The following CSMD1 variants were observed in gnomAD, a reference collection of about 807,000 sequenced individuals.
CSMD1 encodes the protein CUB and sushi domain-containing protein 1.
Under a neutral mutation model 417.5 loss-of-function variants are expected in CSMD1, and 213 were observed. The ratio of observed to expected loss-of-function variants is 0.51; its 90% CI spans 0.46 to 0.57. CSMD1 has a LOEUF of 0.57. Among genes scored for constraint, CSMD1 ranks in the 20% least tolerant of loss-of-function variants. CSMD1 has a pLI of 0.00. For synonymous variants in CSMD1, 2,862 were observed against 1,736.8 expected, an observed-to-expected ratio of 1.65 and a Z score of -16.11; for missense variants, 6,923 against 4,529.7, an observed-to-expected ratio of 1.53 and a Z score of -15.17.
intron 2 of CSMD1, among the ~76,000 whole-genome samples, chr8:4,460,548 AAATTAAG>A (rs1799751207): frequency 6.6e-6 from 1 of 152,164 alleles, no homozygotes; most frequent in Non-Finnish European, 1.5e-5. Context: ...ACCTTCTACA[AAATTAAG>A]AATCTTTTGC....
intron 2 of CSMD1, among the ~76,000 whole-genome samples, chr8:4,557,427 AG>A (rs1383609482): frequency 6.7e-6 from 1 of 149,234 alleles, no homozygotes; most frequent in Admixed American, 6.6e-5. Context: ...AAAATCTGCG[AG>A]GTTTTTTTTT....
intron 3 of CSMD1, among the ~76,000 whole-genome samples, chr8:4,345,980 T>G (rs979271493): frequency 3.3e-5 from 5 of 152,170 alleles, no homozygotes; most frequent in Non-Finnish European, 7.4e-5. Context: ...AGATATCATT[T>G]GGAATTTCAG....
chr8:4,110,526 G>C (rs1235831169), intron 3 of CSMD1, among the ~76,000 whole-genome samples: 1 of 152,006 alleles, frequency 6.6e-6, no homozygotes, highest in East Asian at 1.9e-4. Context: ...TGCAAGTTAA[G>C]GATTTTCATT....
chr8:3,984,712 T>C (rs1241604412), intron 5 of CSMD1, among the ~76,000 whole-genome samples: 1 of 32,068 alleles, frequency 3.1e-5, no homozygotes, highest in Non-Finnish European at 6.0e-5. Flanking sequence ...ATCATATATA[T>C]ATATATATAT....
intron 50 of CSMD1, among the ~76,000 whole-genome samples, chr8:3,046,523 C>G (rs184564758): frequency 6.6e-6 from 1 of 152,158 alleles, no homozygotes; most frequent in East Asian, 1.9e-4. Context: ...TCCTCGCCCC[C>G]ACGGATCATG....
intron 1 of CSMD1, among the ~76,000 whole-genome samples, chr8:4,709,435 T>C (rs1808152079): frequency 6.6e-6 from 1 of 152,106 alleles, no homozygotes; most frequent in Admixed American, 6.5e-5. Context: ...TGCCCTGGCC[T>C]CAACACAGGA....
At chr8:3,126,388 G>C (rs1817511580) in intron 41 of CSMD1, among the ~76,000 whole-genome samples, 1 of 152,192 alleles carries the variant, frequency 6.6e-6, no homozygotes, top group African/African-American at 2.4e-5. Flanking sequence ...ACTGCTTCTG[G>C]TGGTGGGAAT....
intron 23 of CSMD1, among the ~76,000 whole-genome samples, chr8:3,324,601 T>C (rs11776559): frequency 0.13 from 18,752 of 149,196 alleles, 1,526 homozygotes; most frequent in African/African-American, 0.23. Flanking sequence ...AGTGGGAGTT[T>C]CCTTCCCCCC....
intron 3 of CSMD1, among the ~76,000 whole-genome samples, chr8:4,277,455 C>A (rs1192686875): frequency 6.6e-6 from 1 of 152,150 alleles, no homozygotes; most frequent in Non-Finnish European, 1.5e-5. Flanking sequence ...AACCTCCTCA[C>A]CACATACTTA....
At chr8:4,905,917 CT>C (rs1805238190) in intron 1 of CSMD1, among the ~76,000 whole-genome samples, 3 of 151,774 alleles carry the variant, frequency 2.0e-5, no homozygotes, top group African/African-American at 7.3e-5. Flanking sequence ...CAGAGCCACT[CT>C]TTCCTTTCAC....
chr8:4,951,437 G>T (rs749043930), intron 1 of CSMD1, among the ~76,000 whole-genome samples: 1 of 145,302 alleles, frequency 6.9e-6, no homozygotes, highest in African/African-American at 2.5e-5. Context: ...GAAAAAGAAA[G>T]AAAGAGGGAA....
chr8:4,420,324 C>A (rs1040378073), intron 2 of CSMD1, among the ~76,000 whole-genome samples: 1 of 151,822 alleles, frequency 6.6e-6, no homozygotes, highest in Non-Finnish European at 1.5e-5. Context: ...ATGCCATTGT[C>A]TTAAATGCTC....
intron 2 of CSMD1, among the ~76,000 whole-genome samples, chr8:4,587,421 ATG>A (rs1799760201): frequency 9.1e-6 from 1 of 110,076 alleles, no homozygotes; most frequent in African/African-American, 4.1e-5. Flanking sequence ...GTATATGTAC[ATG>A]TATATGTGGA....
At chr8:3,549,252 C>T (rs1363374734) in intron 10 of CSMD1, among the ~76,000 whole-genome samples, 1 of 152,198 alleles carries the variant, frequency 6.6e-6, no homozygotes, top group Non-Finnish European at 1.5e-5. Flanking sequence ...TTGTGGAGAC[C>T]ACAAAGGCGA....
At chr8:3,701,597 C>T (rs1025726343) in intron 7 of CSMD1, among the ~76,000 whole-genome samples, 1 of 151,734 alleles carries the variant, frequency 6.6e-6, no homozygotes, top group African/African-American at 2.4e-5. Flanking sequence ...TTATTCCAAA[C>T]TTAAGACAAC....
chr8:3,468,997 CT>C, intron 11 of CSMD1, 173 bp from the exon 12 acceptor site: 1 of 465,356 alleles, frequency 2.1e-6, no homozygotes, highest in South Asian at 3.9e-5. Context: ...TCAAACATCA[CT>C]ATCACTGGTG....
chr8:4,142,160 T>C (rs865938706), intron 3 of CSMD1, among the ~76,000 whole-genome samples: 2 of 151,204 alleles, frequency 1.3e-5, no homozygotes, highest in Non-Finnish European at 2.9e-5. Context: ...AAAATGATAC[T>C]GGTGAATACC....
intron 1 of CSMD1, among the ~76,000 whole-genome samples, chr8:4,677,437 T>TC (rs1455850791): frequency 6.6e-6 from 1 of 152,088 alleles, no homozygotes; most frequent in Non-Finnish European, 1.5e-5. Context: ...TCGTTCTCTC[T>TC]CCAACCTTGT....
At chr8:4,937,824 T>C (rs1398791217) in intron 1 of CSMD1, among the ~76,000 whole-genome samples, 1 of 152,100 alleles carries the variant, frequency 6.6e-6, no homozygotes, top group Non-Finnish European at 1.5e-5. Flanking sequence ...AGTGTCAGAA[T>C]TTTAATCACA....
Sources: allele counts gnomAD v4.1 joint callset (sites outside exome capture counted in the v4.1 genomes callset), GRCh38; gene constraint gnomAD v4.1.1; transcripts MANE v1.5; gene names NCBI Gene and HGNC (gene_info 2026-07-23, HGNC 2026-07-21).